Variants in HECTD4 observed in about 807,000 individuals in gnomAD.
HECTD4 encodes HECT domain E3 ubiquitin protein ligase 4.
Under a neutral mutation model 471.5 loss-of-function variants are expected in HECTD4, and 114 were observed. The observed-to-expected ratio is 0.24, with a 90% CI of 0.21 to 0.28. The LOEUF (loss-of-function observed/expected upper bound fraction) is 0.28, where lower values mean the gene tolerates loss of function less well. HECTD4 is among the 10% of genes least tolerant of loss of function. The pLI is 1.00. For missense variants in HECTD4, 3,866 were observed against 5,651.5 expected (o/e 0.68, Z 10.13); for synonymous variants, 2,012 against 2,256.0 (o/e 0.89, Z 3.07).
intron 52 of HECTD4, among the ~76,000 whole-genome samples, chr12:112,205,856 A>G (rs1471284838): frequency 2.0e-5 from 3 of 152,088 alleles, no homozygotes; most frequent in African/African-American, 7.2e-5. Context: ...GGCCTTCCAA[A>G]GTGCTGAGAT....
chr12:112,381,006 A>G lies in HECTD4; in HGVS notation c.177+946T>C, dbSNP rs1283819068. On this transcript the variant is annotated intron_variant, in intron 1 of 75. Coordinates refer to ENST00000682272, the MANE Select transcript of HECTD4 (RefSeq NM_001388303.1). The surrounding 1 kb of genome is among the most constrained non-coding windows in gnomAD (Gnocchi z 4.1). ...CTCTCCTTACGGCAGTAAAAATTTGATGACACCCCATGCTACCTACACATC... is the reference window on the plus strand; with the variant it reads ...CTCTCCTTACGGCAGTAAAAATTTGGTGACACCCCATGCTACCTACACATC... Among the ~76,000 whole-genome samples the G allele has an allele frequency of 4.6e-5, 7 of 152,126 alleles. No homozygotes were observed. Among genetic ancestry groups the G allele is most frequent in the African/African-American group, 1.7e-4 (7 of 41,438 alleles).
At chr12:112,280,254 A>T (rs2034608639) in intron 8 of HECTD4, among the ~76,000 whole-genome samples, 1 of 152,202 alleles carries the variant, frequency 6.6e-6, no homozygotes, top group African/African-American at 2.4e-5. Flanking sequence ...AGGGTCAATG[A>T]CATAAACTGT....
intron 1 of HECTD4, among the ~76,000 whole-genome samples, chr12:112,376,119 C>T (rs905770399): frequency 1.3e-5 from 2 of 152,028 alleles, no homozygotes; most frequent in African/African-American, 4.8e-5. Context: ...TTTTGCTTTC[C>T]ACCAGCAACA....
At chr12:112,253,631 G>A (rs2033945789) in intron 22 of HECTD4, among the ~76,000 whole-genome samples, 1 of 152,218 alleles carries the variant, frequency 6.6e-6, no homozygotes, top group African/African-American at 2.4e-5. Flanking sequence ...ATCAGTTTGA[G>A]AATGGATAAT....
chr12:112,226,233 TCACACACA>T (rs930313374), intron 44 of HECTD4, among the ~76,000 whole-genome samples: 1 of 150,922 alleles, frequency 6.6e-6, no homozygotes, highest in Admixed American at 6.6e-5. Flanking sequence ...ACACACACAC[TCACACACA>T]CACATGCAAG....
At chr12:112,368,942 A>G (rs1368236342) in intron 1 of HECTD4, among the ~76,000 whole-genome samples, 2 of 152,216 alleles carry the variant, frequency 1.3e-5, no homozygotes, top group African/African-American at 4.8e-5. Flanking sequence ...TCTAAGTCCA[A>G]ATAATCTCCC....
At chr12:112,192,988 C>T (rs76220570) in intron 58 of HECTD4, 73 bp downstream of exon 58, 1 of 1,567,378 alleles carries the variant, frequency 6.4e-7, no homozygotes, top group South Asian at 1.2e-5. Context: ...AATTTTTTTC[C>T]TTGGCCAGTT....
intron 1 of HECTD4, among the ~76,000 whole-genome samples, chr12:112,324,065 T>C (rs1046644589): frequency 9.7e-5 from 8 of 82,816 alleles, no homozygotes; most frequent in African/African-American, 4.5e-4. Flanking sequence ...TTTCTTTCTT[T>C]CTTTCTTTCT....
Position 112,179,149 on chromosome 12 carries a change from G to A in HECTD4, c.11211+25C>T. 1.9e-6 allele frequency: 3 copies of A among 1,613,364 alleles called. No individual in the cohort carries two copies. The South Asian group carries it at 3.3e-5, about 18-fold the overall frequency. On this transcript the variant is annotated intron_variant, in intron 63 of 75. Coordinates refer to ENST00000682272, the MANE Select transcript of HECTD4 (RefSeq NM_001388303.1). The surrounding 1 kb of genome is among the most constrained non-coding windows in gnomAD (Gnocchi z 4.3). ...CTGCAGGGCACCCAAGGCCCGGCCT[G>A]GGTATGGTGGGGACGGGCAGCTACC...
At chr12:112,360,473 G>C (rs893975006) in intron 1 of HECTD4, among the ~76,000 whole-genome samples, 7 of 152,074 alleles carry the variant, frequency 4.6e-5, no homozygotes, top group African/African-American at 1.7e-4. Context: ...TTTCCTTGAG[G>C]GGCAGTTCTC....
intron 13 of HECTD4, among the ~76,000 whole-genome samples, chr12:112,268,057 C>T (rs555485336): frequency 1.2e-3 from 182 of 152,180 alleles, no homozygotes; most frequent in African/African-American, 4.0e-3. Context: ...AACTTGGCCT[C>T]GGCGATCCAC....
Position 112,169,579 on chromosome 12 carries a change from G to A in HECTD4, c.12132C>T (p.Cys4044=). 1.9e-6 allele frequency: 3 copies of A among 1,613,614 alleles called. No individual in the cohort carries two copies. The highest frequency in any genetic ancestry group is 1.7e-6 in the Non-Finnish European group (2 of 1,179,878). ...GGTCACCGCCACTGGCCAGCTTGAC[G>A]CAGAGCTGAGACGACGGCACTGAGG... is the stretch of plus-strand genomic sequence containing the variant. ...QLASVPSSQL[C]VKLASGGDPT... Residue 4044 remains cysteine, a synonymous_variant, in exon 70 of 76, where the codon TGC becomes TGT. Transcript: ENST00000682272.
chr12:112,182,502 T>TC (rs1239914519), intron 62 of HECTD4, among the ~76,000 whole-genome samples: 1 of 152,084 alleles, frequency 6.6e-6, no homozygotes, highest in Admixed American at 6.6e-5. Flanking sequence ...ACTGTTTCTT[T>TC]CCCAGGAGTC....
intron 37 of HECTD4, among the ~76,000 whole-genome samples, chr12:112,233,687 C>T (rs1281469040): frequency 3.3e-5 from 5 of 152,088 alleles, no homozygotes; most frequent in African/African-American, 1.2e-4. Flanking sequence ...AAATGAAAAA[C>T]TGACATGAAC....
chr12:112,179,146 C>A lies in HECTD4; in HGVS notation c.11211+28G>T. 6.2e-7 allele frequency: 1 copy of A among 1,613,426 alleles called. No individual in the cohort carries two copies. The highest frequency in any genetic ancestry group is 8.5e-7 in the Non-Finnish European group (1 of 1,179,698). On this transcript the variant is annotated intron_variant, in intron 63 of 75. Transcript: ENST00000682272. This position sits in a 1 kb window ranked among gnomAD's most constrained non-coding sequence, Gnocchi z 4.3. ...GCCCTGCAGGGCACCCAAGGCCCGGCCTGGGTATGGTGGGGACGGGCAGCT... is the reference window on the plus strand; with the variant it reads ...GCCCTGCAGGGCACCCAAGGCCCGGACTGGGTATGGTGGGGACGGGCAGCT...
intron 43 of HECTD4, among the ~76,000 whole-genome samples, chr12:112,227,741 C>T (rs918803530): frequency 4.6e-5 from 7 of 152,020 alleles, no homozygotes; most frequent in East Asian, 1.9e-4. Flanking sequence ...CGAGTTCAAG[C>T]GATTCTCCTG....
intron 1 of HECTD4, among the ~76,000 whole-genome samples, chr12:112,342,986 C>G (rs1325747119): frequency 1.3e-5 from 2 of 152,204 alleles, no homozygotes; most frequent in East Asian, 3.8e-4. Context: ...ATTTACAACA[C>G]TCTGTAACAC....
chr12:112,200,991 A>G, intron 54 of HECTD4, 193 bp from the exon 55 acceptor site: 1 of 608,212 alleles, frequency 1.6e-6, no homozygotes, highest in Non-Finnish European at 2.9e-6. Flanking sequence ...AATTCACAAT[A>G]CATTTTTGAA....
rs569525599 is a variant in HECTD4 at position 112,179,748 on chromosome 12, G to A, written c.10988-351C>T. 5.9e-5 allele frequency among the ~76,000 whole-genome samples: 9 copies of A among 152,264 alleles called. 1 individual carries two copies. In the East Asian group the frequency reaches 1.7e-3, roughly 29 times the overall value. On this transcript the variant is annotated intron_variant, in intron 62 of 75. Transcript: ENST00000682272. The surrounding 1 kb of genome is among the most constrained non-coding windows in gnomAD (Gnocchi z 4.3). ...TCACCCTCACTCTTATATCTGCAGG[G>A]AATTAACTTCCACTGGACTTGAGCC...
Sources: gnomAD v4.1 joint callset for allele counts (sites outside exome capture counted in the v4.1 genomes callset) on GRCh38, gnomAD v4.1.1 for gene constraint, Gnocchi (gnomAD v3.1) non-coding constraint, MANE v1.5 for transcripts, NCBI Gene and HGNC (gene_info 2026-07-23, HGNC 2026-07-21) for gene names.